Variants in PHACTR1 observed in about 807,000 individuals in gnomAD.
The protein encoded by PHACTR1 is phosphatase and actin regulator 1, also known as RPEL repeat containing 1.
Under a neutral mutation model 69.2 loss-of-function variants are expected in PHACTR1, and 16 were observed. The observed-to-expected ratio is 0.23, with a 90% CI of 0.16 to 0.35. The LOEUF (loss-of-function observed/expected upper bound fraction) is 0.35, where lower values mean the gene tolerates loss of function less well. PHACTR1 is among the 10% of genes least tolerant of loss of function. The pLI, the probability that PHACTR1 is intolerant of heterozygous loss-of-function variation, is 1.00. For missense variants in PHACTR1, 510 were observed against 734.7 expected, an observed-to-expected ratio of 0.69 and a Z score of 3.54; for synonymous variants, 312 against 284.5, an observed-to-expected ratio of 1.10 and a Z score of -0.97.
chr6:12,781,078 A>T (rs1443368631), intron 4 of PHACTR1, among the ~76,000 whole-genome samples: 1 of 152,204 alleles, frequency 6.6e-6, no homozygotes, highest in Non-Finnish European at 1.5e-5. Flanking sequence ...TCAACTCAGG[A>T]TGCAGAGCCT....
chr6:12,824,094 A>T (rs531873444), intron 4 of PHACTR1, among the ~76,000 whole-genome samples: 11 of 152,186 alleles, frequency 7.2e-5, no homozygotes, highest in Non-Finnish European at 1.6e-4. Flanking sequence ...CGCTTGCATT[A>T]CTGCCTGAGC....
intron 4 of PHACTR1, among the ~76,000 whole-genome samples, chr6:12,919,930 A>G (rs1407381626): frequency 6.6e-6 from 1 of 151,090 alleles, no homozygotes; most frequent in Non-Finnish European, 1.5e-5. Flanking sequence ...TTCAATTCAC[A>G]CACATTACTG....
chr6:13,272,609 T>A, intron 10 of PHACTR1: 1 of 1,113,208 alleles, frequency 9.0e-7, no homozygotes. Context: ...CTGGAGGAGA[T>A]GGGGCTGGGG....
intron 6 of PHACTR1, among the ~76,000 whole-genome samples, chr6:13,180,823 G>A (rs530006401): frequency 3.3e-5 from 5 of 152,206 alleles, no homozygotes; most frequent in Admixed American, 2.6e-4. Flanking sequence ...ACACACTGAC[G>A]CTCAGCCCTT....
chr6:12,903,158 T>C (rs1785378357), intron 4 of PHACTR1, among the ~76,000 whole-genome samples: 5 of 152,168 alleles, frequency 3.3e-5, no homozygotes, highest in Admixed American at 3.3e-4. Flanking sequence ...CCACCTTCCT[T>C]AACCACTGTG....
rs377439899 is a variant in PHACTR1, at chr6:13,091,268, G to A, written c.415+37739G>A. Among the ~76,000 whole-genome samples the A allele has an allele frequency of 5.3e-5, 8 of 152,220 alleles. No individual in the cohort carries two copies. The East Asian group carries it at 1.5e-3, about 29-fold the overall frequency. On this transcript the variant is annotated intron_variant, in intron 5 of 14. Coordinates refer to ENST00000332995, the MANE Select transcript of PHACTR1 (RefSeq NM_030948.6). Reference sequence around the variant, plus strand: ...CCCACCTCAGCCTCCCAAAGTGTTGGGATTACAGGCATGAGCCACTGTGCC... The same window carrying A: ...CCCACCTCAGCCTCCCAAAGTGTTGAGATTACAGGCATGAGCCACTGTGCC...
At chr6:13,051,270 A>G (rs1420129644) in intron 4 of PHACTR1, among the ~76,000 whole-genome samples, 1 of 152,042 alleles carries the variant, frequency 6.6e-6, no homozygotes, top group African/African-American at 2.4e-5. Context: ...TGTGAGCTCT[A>G]TGAGTTGGTA....
intron 5 of PHACTR1, among the ~76,000 whole-genome samples, chr6:13,095,039 A>G (rs1008201927): frequency 6.6e-6 from 1 of 152,196 alleles, no homozygotes; most frequent in Non-Finnish European, 1.5e-5. Flanking sequence ...CTCTTAAAAA[A>G]GAGGTCATGT....
chr6:13,111,498 C>T (rs1047056813), intron 5 of PHACTR1, among the ~76,000 whole-genome samples: 7 of 152,112 alleles, frequency 4.6e-5, no homozygotes, highest in South Asian at 2.1e-4. Context: ...CATTCCCTGT[C>T]GCACACCTCA....
intron 10 of PHACTR1, among the ~76,000 whole-genome samples, chr6:13,248,605 T>A (rs1773916929): frequency 6.6e-6 from 1 of 152,182 alleles, no homozygotes; most frequent in Non-Finnish European, 1.5e-5. Context: ...GTTATCCTCA[T>A]GTTGAGGTGA....
chr6:13,036,037 A>G (rs1803252505), intron 4 of PHACTR1, among the ~76,000 whole-genome samples: 1 of 152,142 alleles, frequency 6.6e-6, no homozygotes, highest in South Asian at 2.1e-4. Flanking sequence ...AATTTAAGAG[A>G]TAGGTTCTCA....
chr6:12,925,998 A>G (rs1371796093), intron 4 of PHACTR1, among the ~76,000 whole-genome samples: 1 of 152,126 alleles, frequency 6.6e-6, no homozygotes, highest in African/African-American at 2.4e-5. Context: ...AAAATAGTCT[A>G]TATTCCGTCT....
At chr6:13,164,255 G>T (rs1759460074) in intron 6 of PHACTR1, among the ~76,000 whole-genome samples, 1 of 152,182 alleles carries the variant, frequency 6.6e-6, no homozygotes, top group Non-Finnish European at 1.5e-5. Context: ...AAAGCAAATA[G>T]AATTTTATTG....
chr6:13,139,144 T>G (rs1309101490), intron 5 of PHACTR1, among the ~76,000 whole-genome samples: 3 of 150,740 alleles, frequency 2.0e-5, no homozygotes, highest in Non-Finnish European at 4.4e-5. Context: ...GTTTGAAAGC[T>G]TGTTCCTCTT....
intron 4 of PHACTR1, among the ~76,000 whole-genome samples, chr6:12,868,499 C>T (rs12526958): frequency 4.6e-5 from 7 of 152,202 alleles, no homozygotes; most frequent in Admixed American, 4.6e-4. Context: ...GGAGACAGTC[C>T]ACAGTCTATC....
At chr6:12,945,764 G>T (rs1790600144) in intron 4 of PHACTR1, among the ~76,000 whole-genome samples, 1 of 151,932 alleles carries the variant, frequency 6.6e-6, no homozygotes, top group Non-Finnish European at 1.5e-5. Flanking sequence ...AGGAGTTCGA[G>T]ACCAGCCGAG....
intron 4 of PHACTR1, among the ~76,000 whole-genome samples, chr6:12,779,871 G>A (rs1770593966): frequency 6.6e-6 from 1 of 152,188 alleles, no homozygotes; most frequent in African/African-American, 2.4e-5. Flanking sequence ...TATAGATAGA[G>A]CATCTCAAGT....
chr6:13,048,587 T>C (rs1270696163), intron 4 of PHACTR1, among the ~76,000 whole-genome samples: 4 of 150,868 alleles, frequency 2.7e-5, no homozygotes, highest in Non-Finnish European at 4.4e-5. Flanking sequence ...TATGCTGGAG[T>C]GTAATGGTGC....
intron 5 of PHACTR1, among the ~76,000 whole-genome samples, chr6:13,157,672 A>G (rs17323391): frequency 0.14 from 21,831 of 152,188 alleles, 1,764 homozygotes; most frequent in Middle Eastern, 0.21. Flanking sequence ...TCTGTGGTTT[A>G]CAACACCTAG....
Sources: gnomAD v4.1 joint callset for allele counts (sites outside exome capture counted in the v4.1 genomes callset) on GRCh38, gnomAD v4.1.1 for gene constraint, MANE v1.5 for transcripts, NCBI Gene and HGNC (gene_info 2026-07-23, HGNC 2026-07-21) for gene names.